The following DISP1 variants were observed in gnomAD, a reference collection of about 807,000 sequenced individuals.
The protein encoded by DISP1 is dispatched RND transporter family member 1, also known as protein dispatched homolog 1.
DISP1 carries 30 observed loss-of-function variants against 37.3 expected under a neutral mutation model. The observed-to-expected ratio is 0.80, with a 90% CI of 0.60 to 1.09. DISP1 has a LOEUF of 1.09. Among genes scored for constraint, DISP1 ranks in the 50% least tolerant of loss-of-function variants. The pLI is 0.00. For missense variants in DISP1, 1,598 were observed against 1,879.5 expected (o/e 0.85, Z 2.77); for synonymous variants, 634 against 690.2 (o/e 0.92, Z 1.28).
chr1:222,854,247 T>C (rs896364368), intron 1 of DISP1, among the ~76,000 whole-genome samples: 3 of 152,202 alleles, frequency 2.0e-5, no homozygotes, highest in African/African-American at 7.2e-5. Context: ...TGTCAAGAAC[T>C]GCCCAAGACT....
intron 1 of DISP1, among the ~76,000 whole-genome samples, chr1:222,891,695 C>T (rs1050033938): frequency 5.3e-5 from 8 of 151,216 alleles, no homozygotes; most frequent in South Asian, 2.1e-4. Context: ...GCATCAAATG[C>T]TACATGAAGG....
At chr1:222,991,019 C>A (rs184331373) in intron 5 of DISP1, among the ~76,000 whole-genome samples, 8 of 152,172 alleles carry the variant, frequency 5.3e-5, no homozygotes, top group Middle Eastern at 3.2e-3. Context: ...CTGCCTTCTA[C>A]AAAATTATTC....
At position 222,992,031 on chromosome 1, in the gene DISP1, G is replaced by A; in HGVS notation, c.810G>A (p.Trp270Ter). The A allele has an allele frequency of 1.9e-6, 3 of 1,613,638 alleles. No homozygotes were observed. Among genetic ancestry groups the A allele is most frequent in the Non-Finnish European group, 2.5e-6 (3 of 1,179,638 alleles). ...EQAKSHRDDRWSDDHYEREKR... is the reference protein window; with the variant it reads ...EQAKSHRDDR ...ATTTCAGCCATCGGGATGATAGATG[G>A]TCAGATGATCATTATGAAAGAGAGA... is the stretch of plus-strand genomic sequence containing the variant. Residue 270 changes from tryptophan (W) to a stop codon, truncating the protein, a stop_gained, in exon 7 of 9, where the codon TGG (tryptophan) becomes TGA (stop). Transcript: ENST00000675850. LOFTEE classifies it high-confidence loss of function.
Position 222,991,575 on chromosome 1 carries a change from T to C in DISP1, c.719T>C (p.Met240Thr), listed in dbSNP as rs1278885073. 3.7e-6 allele frequency: 6 copies of C among 1,613,738 alleles called. No homozygotes were observed. The highest frequency in any genetic ancestry group is 4.2e-6 in the Non-Finnish European group (5 of 1,179,848). The change falls in exon 6 of 9, where the codon ATG (methionine) becomes ACG (threonine). Residue 240 changes from methionine (M) to threonine (T), a missense_variant. Physicochemically the swap from Met to Thr is moderately conservative, Grantham distance 81. Coordinates refer to ENST00000675850, the MANE Select transcript of DISP1 (RefSeq NM_001377229.1). ...CAGAGATTGGTCACATGGAATAATA[T>C]GGTGAAAAATACAGGATACAAAGCA... ...IGQRLVTWNN[M>T]VKNTGYKATL... is the part of the protein sequence containing the mutation.
intron 1 of DISP1, among the ~76,000 whole-genome samples, chr1:222,824,863 C>A (rs1159103189): frequency 2.6e-5 from 4 of 152,106 alleles, no homozygotes; most frequent in Non-Finnish European, 5.9e-5. Flanking sequence ...CACCCAAACT[C>A]TTTTTTCTTT....
chr1:222,892,441 AT>A (rs1391417307), intron 1 of DISP1, among the ~76,000 whole-genome samples: 1 of 152,210 alleles, frequency 6.6e-6, no homozygotes, highest in African/African-American at 2.4e-5. Flanking sequence ...TATATTTTGT[AT>A]ATGATTCCAG....
intron 3 of DISP1, among the ~76,000 whole-genome samples, chr1:222,954,588 C>T (rs1053509869): frequency 2.0e-5 from 3 of 152,152 alleles, no homozygotes; most frequent in Admixed American, 6.5e-5. Context: ...AGGATGATTT[C>T]AGCAAAAATA....
chr1:222,953,522 A>G (rs564766038), intron 3 of DISP1, among the ~76,000 whole-genome samples: 1 of 152,290 alleles, frequency 6.6e-6, no homozygotes, highest in East Asian at 1.9e-4. Context: ...AAGAATAAAT[A>G]GGCCTCTTTA....
intron 1 of DISP1, among the ~76,000 whole-genome samples, chr1:222,894,690 C>T (rs1671144780): frequency 6.6e-6 from 1 of 152,186 alleles, no homozygotes; most frequent in Admixed American, 6.5e-5. Context: ...GAGCATGGGG[C>T]TCCTGCTTTG....
intron 1 of DISP1, among the ~76,000 whole-genome samples, chr1:222,926,568 A>T (rs542566036): frequency 6.6e-6 from 1 of 152,210 alleles, no homozygotes; most frequent in South Asian, 2.1e-4. Flanking sequence ...CAGTTGATCA[A>T]TATATAACCT....
At chr1:222,925,788 G>A (rs1411038761) in intron 1 of DISP1, among the ~76,000 whole-genome samples, 1 of 152,168 alleles carries the variant, frequency 6.6e-6, no homozygotes, top group Non-Finnish European at 1.5e-5. Context: ...CAGACCTTCA[G>A]AATCAGAATT....
At chr1:222,876,750 C>T (rs1054573017) in intron 1 of DISP1, among the ~76,000 whole-genome samples, 5 of 152,056 alleles carry the variant, frequency 3.3e-5, no homozygotes, top group Non-Finnish European at 7.4e-5. Flanking sequence ...TAGTGTAAGA[C>T]ATTCATGGGA....
chr1:222,986,785 C>T (rs1572703877), intron 4 of DISP1, among the ~76,000 whole-genome samples: 2 of 152,236 alleles, frequency 1.3e-5, no homozygotes, highest in Admixed American at 6.5e-5. Context: ...ACCTCAGCAG[C>T]TAGTACAGCA....
At position 222,982,872 on chromosome 1, in the gene DISP1, C is replaced by T. The variant is rs2926160; in HGVS notation, c.510-208C>T. On this transcript the variant is annotated intron_variant, in intron 3 of 8. Transcript: ENST00000675850. ...AGGTTCTGCCTCCTGACTAGCCACT[C>T]GAGCTGTCTCTACTAGTATGTAAAG... Among the ~76,000 whole-genome samples the T allele has an allele frequency of 0.98, 148,795 of 152,150 alleles. 72,836 individuals are homozygous for T. Among genetic ancestry groups the T allele is most frequent in the East Asian group, 1 (5,166 of 5,166 alleles).
intron 1 of DISP1, among the ~76,000 whole-genome samples, chr1:222,880,648 G>A (rs1028737391): frequency 6.6e-6 from 1 of 152,178 alleles, no homozygotes; most frequent in Non-Finnish European, 1.5e-5. Context: ...TTCAAAGAGT[G>A]GGCAACATTT....
At chr1:222,871,151 T>A (rs2125344551) in intron 1 of DISP1, among the ~76,000 whole-genome samples, 1 of 152,282 alleles carries the variant, frequency 6.6e-6, no homozygotes, top group African/African-American at 2.4e-5. Context: ...TTGGTCTATA[T>A]CTCTGTTTTG....
rs556092249 is a variant in DISP1, at chr1:222,881,517, G to A, written c.-158-46913G>A. 1.8e-4 allele frequency among the ~76,000 whole-genome samples: 28 copies of A among 152,234 alleles called. No homozygotes were observed. The East Asian group carries it at 4.8e-3, about 26-fold the overall frequency. ...GGCCTAGAGTTGTTGGTAAAGTAGC[G>A]CTTTAGTTGCTGACATTAATGGATT... On this transcript the variant is annotated intron_variant, in intron 1 of 8. Coordinates refer to ENST00000675850, the MANE Select transcript of DISP1 (RefSeq NM_001377229.1).
At chr1:222,844,598 A>G (rs1304205845) in intron 1 of DISP1, among the ~76,000 whole-genome samples, 3 of 152,110 alleles carry the variant, frequency 2.0e-5, no homozygotes, top group Non-Finnish European at 4.4e-5. Context: ...ATCCCAGAGT[A>G]TTTTGAAGTT....
intron 3 of DISP1, among the ~76,000 whole-genome samples, chr1:222,976,345 A>T (rs757249820): frequency 1.3e-5 from 2 of 151,928 alleles, no homozygotes; most frequent in Non-Finnish European, 2.9e-5. Flanking sequence ...TATGTAGTGG[A>T]CTCCCTGGCT....
Sources: allele counts gnomAD v4.1 joint callset (sites outside exome capture counted in the v4.1 genomes callset), GRCh38; gene constraint gnomAD v4.1.1; transcripts MANE v1.5; gene names NCBI Gene and HGNC (gene_info 2026-07-23, HGNC 2026-07-21).